The following NKX2-6 variants were observed in gnomAD, a reference collection of about 807,000 sequenced individuals.
The protein encoded by NKX2-6 is NK2 homeobox 6.
Under a neutral mutation model 8.6 loss-of-function variants are expected in NKX2-6, and 8 were observed. That is an observed-to-expected ratio of 0.93 (90% CI 0.54 to 1.67). The LOEUF is 1.67. Among genes scored for constraint, NKX2-6 ranks in the 40% most tolerant of loss-of-function variants. The pLI is 0.00. For synonymous variants in NKX2-6, 210 were observed against 199.3 expected (o/e 1.05, Z -0.45); for missense variants, 475 against 423.1 (o/e 1.12, Z -1.08).
Position 23,702,459 on chromosome 8 carries a change from C to T in NKX2-6, c.898G>A (p.Ala300Thr). 3 of 1,474,546 alleles carry T rather than the reference C, an allele frequency of 2.0e-6. No homozygotes were observed. The highest frequency in any genetic ancestry group is 1.8e-6 in the Non-Finnish European group (2 of 1,110,972). 91.3% of individuals were successfully genotyped at this position (1,474,546 alleles called of 1,614,324 possible). ...AGTCAAGCCGAGGAGCCTCACCAGG[C>T]CCTGACACCCTGCAGCGTGGCTGCC... ...HLAATLQGVRAW is the reference protein window; with the variant it reads ...HLAATLQGVRTW Residue 300 changes from alanine (A) to threonine (T), a missense_variant, in exon 2 of 2, where the codon GCC becomes ACC. Coordinates refer to ENST00000325017, the MANE Select transcript of NKX2-6 (RefSeq NM_001136271.3).
intron 1 of NKX2-6, among the ~76,000 whole-genome samples, 160 bp from the exon 2 acceptor site, chr8:23,703,242 C>T (rs931530453): frequency 4.6e-5 from 7 of 152,236 alleles, no homozygotes; most frequent in African/African-American, 1.4e-4. Flanking sequence ...CGAACCCTGT[C>T]CCAGGACTGT....
chr8:23,703,733 A>AT (rs1237454722), intron 1 of NKX2-6, among the ~76,000 whole-genome samples: 6 of 152,090 alleles, frequency 3.9e-5, no homozygotes, highest in Non-Finnish European at 5.9e-5. Context: ...AACAAAAAAA[A>AT]AACTGTGTGT....
rs1801029106 is a variant in NKX2-6, at chr8:23,702,900, G to T, written c.457C>A (p.Gln153Lys). 1 of 1,553,968 alleles carries T rather than the reference G, an allele frequency of 6.4e-7. No individual in the cohort carries two copies. The highest frequency in any genetic ancestry group is 8.7e-7 in the Non-Finnish European group (1 of 1,148,504). The change falls in exon 2 of 2, where the codon CAG becomes AAG. Residue 153 changes from glutamine (Q) to lysine (K), a missense_variant. Coordinates refer to ENST00000325017, the MANE Select transcript of NKX2-6 (RefSeq NM_001136271.3). ...QVLALERRFKQQRYLSAPERE... is the reference protein window; with the variant it reads ...QVLALERRFKKQRYLSAPERE... The stretch of plus-strand genomic sequence containing the variant: ...TCGGGCGCTGACAGGTACCGCTGCT[G>T]CTTGAAGCGCCGCTCCAGGGCCAGC...
chr8:23,702,374 C>T lies in NKX2-6; in HGVS notation c.*77G>A. 1 of 1,395,450 alleles carries T rather than the reference C, an allele frequency of 7.2e-7. No individual in the cohort carries two copies. Among genetic ancestry groups the T allele is most frequent in the Non-Finnish European group, 9.4e-7 (1 of 1,068,048 alleles). 86.4% of individuals were successfully genotyped at this position (1,395,450 alleles called of 1,614,324 possible). A position where few individuals can be genotyped will look rare whatever the true frequency, so the allele number is the denominator to read the frequency against. On this transcript the variant is annotated 3_prime_UTR_variant, in exon 2 of 2. Transcript: ENST00000325017. ...CAGCTTCCTTCCAGCGCCGCGTCCC[C>T]TCCTTGTCACGACCTGCGGGCGGAG...
rs1801095465 is a variant in NKX2-6, at chr8:23,706,543, A to G, written c.56T>C (p.Leu19Pro). 1.3e-6 allele frequency: 2 copies of G among 1,536,652 alleles called. No homozygotes were observed. Among genetic ancestry groups the G allele is most frequent in the South Asian group, 1.2e-5 (1 of 84,058 alleles). The stretch of plus-strand genomic sequence containing the variant: ...CGCGGGGCAGCTCCGCTCGCGCTCC[A>G]GTCGCAGGATGTCCTTGACCGAGAA... ...TPFSVKDILR[L>P]ERERSCPAAS... The change falls in exon 1 of 2, where the codon CTG (leucine) becomes CCG (proline). Residue 19 changes from leucine to proline, a missense_variant. Transcript: ENST00000325017.
At position 23,702,567 on chromosome 8, in the gene NKX2-6, G is replaced by A. The variant is rs1206554232; in HGVS notation, c.790C>T (p.Pro264Ser). ...GGTGTGTGTGGCGCAGGACCCGAGG[G>A]CGCGCCCGCGTAGCAGGTGCCGTAG... is the stretch of plus-strand genomic sequence containing the variant. Reference protein sequence around the residue: ...AGYGTCYAGAPSGPAPHTPLA... With the variant: ...AGYGTCYAGASSGPAPHTPLA... Residue 264 changes from proline to serine, a missense_variant, in exon 2 of 2, where the codon CCC becomes TCC. Pro to Ser is a moderately conservative substitution (Grantham distance 74, BLOSUM62 -1). Transcript: ENST00000325017. 49 of 1,543,832 alleles carry A rather than the reference G, an allele frequency of 3.2e-5. No individual in the cohort carries two copies. The East Asian group carries it at 1.2e-3, about 38-fold the overall frequency.
Position 23,702,407 on chromosome 8 carries a change from G to T in NKX2-6, c.*44C>A. 7.0e-7 allele frequency: 1 copy of T among 1,426,772 alleles called. No individual in the cohort carries two copies. The highest frequency in any genetic ancestry group is 9.2e-7 in the Non-Finnish European group (1 of 1,091,806). 88.4% of individuals were successfully genotyped at this position (1,426,772 alleles called of 1,614,324 possible). ...CACGACCTGCGGGCGGAGGGGAAGGGAACGAGCATCTGGCCCTGGTTGGCA... is the reference window on the plus strand; with the variant it reads ...CACGACCTGCGGGCGGAGGGGAAGGTAACGAGCATCTGGCCCTGGTTGGCA... On this transcript the variant is annotated 3_prime_UTR_variant, in exon 2 of 2. Coordinates refer to ENST00000325017, the MANE Select transcript of NKX2-6 (RefSeq NM_001136271.3).
intron 1 of NKX2-6, among the ~76,000 whole-genome samples, chr8:23,703,710 C>CAAACG (rs1554510919): frequency 5.1e-5 from 2 of 38,962 alleles, no homozygotes; most frequent in Admixed American, 4.3e-4. Context: ...AACAAACAAA[C>CAAACG]AAAAAACAAA....
intron 1 of NKX2-6, among the ~76,000 whole-genome samples, chr8:23,704,449 G>A (rs138508170): frequency 2.6e-5 from 4 of 152,174 alleles, no homozygotes; most frequent in African/African-American, 4.8e-5. Flanking sequence ...TTTACCCCAA[G>A]GGTGGATAGA....
intron 1 of NKX2-6, among the ~76,000 whole-genome samples, chr8:23,706,053 G>GC (rs1801084548): frequency 6.6e-6 from 1 of 152,174 alleles, no homozygotes; most frequent in African/African-American, 2.4e-5. Flanking sequence ...GCGAGTGTGA[G>GC]CGATGCGTTT....
Position 23,706,546 on chromosome 8 carries a change from C to A in NKX2-6, c.53G>T (p.Arg18Leu). ...GGGGCAGCTCCGCTCGCGCTCCAGT[C>A]GCAGGATGTCCTTGACCGAGAAGGG... ...STPFSVKDIL[R>L]LERERSCPAA... is the part of the protein sequence containing the mutation. The change falls in exon 1 of 2, where the codon CGA becomes CTA. Residue 18 changes from arginine (R) to leucine (L), a missense_variant. Coordinates refer to ENST00000325017, the MANE Select transcript of NKX2-6 (RefSeq NM_001136271.3). 6.5e-7 allele frequency: 1 copy of A among 1,536,660 alleles called. No individual in the cohort carries two copies. Among genetic ancestry groups the A allele is most frequent in the Non-Finnish European group, 8.7e-7 (1 of 1,146,910 alleles).
At position 23,706,350 on chromosome 8, in the gene NKX2-6, C is replaced by A; in HGVS notation, c.249G>T (p.Met83Ile). ...PGGPCEAVLE[M>I]DAERMGEPQP... ...GTGGCTCCCCCATCCGTTCCGCGTC[C>A]ATCTCCAAGACTGCCTCACAGGGAC... The change falls in exon 1 of 2, where the codon ATG becomes ATT. Residue 83 changes from methionine to isoleucine, a missense_variant. Coordinates refer to ENST00000325017, the MANE Select transcript of NKX2-6 (RefSeq NM_001136271.3). 6.4e-7 allele frequency: 1 copy of A among 1,550,514 alleles called. No homozygotes were observed. Among genetic ancestry groups the A allele is most frequent in the Non-Finnish European group, 8.7e-7 (1 of 1,146,114 alleles).
chr8:23,702,500 G>C lies in NKX2-6; in HGVS notation c.857C>G (p.Thr286Ser). 6.6e-7 allele frequency: 1 copy of C among 1,523,256 alleles called. No individual in the cohort carries two copies. Among genetic ancestry groups the C allele is most frequent in the Non-Finnish European group, 8.8e-7 (1 of 1,134,914 alleles). The allele number at this position is 1,523,256 out of a possible 1,614,324, so 94.4% of individuals were successfully genotyped here. ...AGFGHGGQNA[T>S]PQGHLAATLQ... ...CGTGGCTGCCAGATGGCCCTGCGGG[G>C]TGGCATTCTGGCCACCGTGTCCGAA... is the stretch of plus-strand genomic sequence containing the variant. Residue 286 changes from threonine (T) to serine (S), a missense_variant, in exon 2 of 2, where the codon ACC becomes AGC. Coordinates refer to ENST00000325017, the MANE Select transcript of NKX2-6 (RefSeq NM_001136271.3).
At chr8:23,706,013 G>A (rs1801084127) in intron 1 of NKX2-6, among the ~76,000 whole-genome samples, 1 of 152,188 alleles carries the variant, frequency 6.6e-6, no homozygotes. Context: ...CTGTGGAGAT[G>A]AGAAGGTGGA....
At position 23,706,543 on chromosome 8, in the gene NKX2-6, A is replaced by T; in HGVS notation, c.56T>A (p.Leu19Gln). 6.5e-7 allele frequency: 1 copy of T among 1,536,770 alleles called. No individual in the cohort carries two copies. Among genetic ancestry groups the T allele is most frequent in the Non-Finnish European group, 8.7e-7 (1 of 1,146,916 alleles). Residue 19 changes from leucine to glutamine, a missense_variant, in exon 1 of 2, where the codon CTG (leucine) becomes CAG (glutamine). Leu to Gln is a moderately radical substitution (Grantham distance 113). Transcript: ENST00000325017. ...CGCGGGGCAGCTCCGCTCGCGCTCC[A>T]GTCGCAGGATGTCCTTGACCGAGAA... is the stretch of plus-strand genomic sequence containing the variant. ...TPFSVKDILR[L>Q]ERERSCPAAS... is the part of the protein sequence containing the mutation.
In NKX2-6 at chr8:23,706,320, C is replaced by T. The variant is rs1430252153; in HGVS notation, c.274+5G>A. ...GTAGGAGGCAAGACCTGAGCGCTTA[C>T]TCACGTGGCTCCCCCATCCGTTCCG... On this transcript the variant is annotated splice_donor_5th_base_variant and intron_variant, in intron 1 of 1. Transcript: ENST00000325017. The T allele has an allele frequency of 1.3e-6, 2 of 1,543,140 alleles. No homozygotes were observed. The highest frequency in any genetic ancestry group is 8.8e-7 in the Non-Finnish European group (1 of 1,141,318).
chr8:23,706,284 A>T, intron 1 of NKX2-6, 41 bp downstream of exon 1: 10 of 1,123,856 alleles, frequency 8.9e-6, no homozygotes, highest in Non-Finnish European at 1.2e-5. Context: ...CCCCGCCCCC[A>T]CATTCCCCCC....
chr8:23,702,267 C>T lies in NKX2-6; in HGVS notation c.*184G>A, dbSNP rs1801016012. ...GGGTCTTCTTTTGGGGGAAGAACGT[C>T]CCAGGCGGGGCCTTTAACTGGGTGA... is the stretch of plus-strand genomic sequence containing the variant. On this transcript the variant is annotated 3_prime_UTR_variant, in exon 2 of 2. Coordinates refer to ENST00000325017, the MANE Select transcript of NKX2-6 (RefSeq NM_001136271.3). Among the ~76,000 whole-genome samples the T allele has an allele frequency of 6.6e-6, 1 of 152,212 alleles. No individual in the cohort carries two copies. Among genetic ancestry groups the T allele is most frequent in the Non-Finnish European group, 1.5e-5 (1 of 68,042 alleles).
Position 23,706,738 on chromosome 8 carries a change from G to C in NKX2-6, c.-140C>G. On this transcript the variant is annotated 5_prime_UTR_variant, in exon 1 of 2. Coordinates refer to ENST00000325017, the MANE Select transcript of NKX2-6 (RefSeq NM_001136271.3). ...AGCGTCCCAGACAGCGCCTTCCTCTGGGCCATGCTGGTAGGCCCGGGTCCA... is the reference window on the plus strand; with the variant it reads ...AGCGTCCCAGACAGCGCCTTCCTCTCGGCCATGCTGGTAGGCCCGGGTCCA... The C allele has an allele frequency of 1.0e-6, 1 of 1,002,824 alleles. No individual in the cohort carries two copies. Among genetic ancestry groups the C allele is most frequent in the Non-Finnish European group, 1.4e-6 (1 of 704,632 alleles). The allele number at this position is 1,002,824 out of a possible 1,614,324, so 62.1% of individuals were successfully genotyped here.
Sources: allele counts gnomAD v4.1 joint callset (sites outside exome capture counted in the v4.1 genomes callset), GRCh38; gene constraint gnomAD v4.1.1; transcripts MANE v1.5; gene names NCBI Gene and HGNC (gene_info 2026-07-23, HGNC 2026-07-21).